Variants in TOGARAM2 observed in about 807,000 individuals in gnomAD.
The protein encoded by TOGARAM2 is TOG array regulator of axonemal microtubules 2, also known as TOG array regulator of axonemal microtubules protein 2.
In TOGARAM2, 85 loss-of-function variants were observed where a neutral mutation model predicts 93.3. The ratio of observed to expected loss-of-function variants is 0.91; its 90% CI spans 0.76 to 1.09. The LOEUF (loss-of-function observed/expected upper bound fraction) is 1.09. Among genes scored for constraint, TOGARAM2 ranks in the 50% least tolerant of loss-of-function variants. TOGARAM2 has a pLI of 0.00. For missense variants in TOGARAM2, 1,277 were observed against 1,334.5 expected (o/e 0.96, Z 0.67); for synonymous variants, 593 against 552.8 (o/e 1.07, Z -1.02).
upstream of TOGARAM2, among the ~76,000 whole-genome samples, chr2:28,976,933 G>A (rs1572620603): frequency 6.6e-6 from 1 of 152,220 alleles, no homozygotes; most frequent in Non-Finnish European, 1.5e-5. Context: ...GAGGGGGTGG[G>A]GCAGTGGTAT....
intron 2 of TOGARAM2, 126 bp downstream of exon 2, chr2:28,994,988 T>C: frequency 8.3e-7 from 1 of 1,201,950 alleles, no homozygotes; most frequent in Non-Finnish European, 1.2e-6. Context: ...AACAGCCAGG[T>C]GGCCGTGCCT....
chr2:29,041,563 C>T (rs1322453993), intron 18 of TOGARAM2, among the ~76,000 whole-genome samples: 1 of 152,194 alleles, frequency 6.6e-6, no homozygotes, highest in Non-Finnish European at 1.5e-5. Context: ...TCTTATCTGG[C>T]TTCCCAGTAG....
intron 7 of TOGARAM2, among the ~76,000 whole-genome samples, chr2:29,012,328 C>T (rs1346579488): frequency 2.0e-5 from 3 of 152,246 alleles, no homozygotes; most frequent in East Asian, 1.9e-4. Context: ...GGGCAGTTGG[C>T]GAAGGGGGGT....
At chr2:29,049,896 TCAC>T (rs1260860045) in intron 19 of TOGARAM2, 1 of 152,266 alleles carries the variant, frequency 6.6e-6, no homozygotes, top group East Asian at 1.9e-4. Flanking sequence ...TTGATAAATG[TCAC>T]CAAGAGAGTG....
chr2:28,960,843 T>C (rs1037186942), intron 1 of TOGARAM2, among the ~76,000 whole-genome samples: 2 of 152,210 alleles, frequency 1.3e-5, no homozygotes, highest in African/African-American at 4.8e-5. Context: ...AATTGTTAAT[T>C]TTATGTCATT....
intron 6 of TOGARAM2, among the ~76,000 whole-genome samples, chr2:29,010,210 T>C (rs1572698495): frequency 6.6e-6 from 1 of 152,098 alleles, no homozygotes; most frequent in African/African-American, 2.4e-5. Flanking sequence ...TGGACTTTGA[T>C]GCTCCACTTC....
intron 14 of TOGARAM2, among the ~76,000 whole-genome samples, chr2:29,030,173 G>T (rs1214043424): frequency 6.6e-6 from 1 of 152,200 alleles, no homozygotes; most frequent in Admixed American, 6.5e-5. Flanking sequence ...CTACTTGAGA[G>T]GCTGAGATAA....
intron 1 of TOGARAM2, among the ~76,000 whole-genome samples, chr2:28,989,449 G>A (rs968698411): frequency 6.6e-6 from 1 of 151,530 alleles, no homozygotes. Flanking sequence ...CCAGACTGGA[G>A]TGCGGTGGCA....
chr2:28,994,845 G>C lies in TOGARAM2; in HGVS notation c.11G>C (p.Arg4Pro), dbSNP rs768249766. Reference protein sequence around the residue: MGTRDDVPEAKVLV... With the variant: MGTPDDVPEAKVLV... Reference sequence around the variant, plus strand: ...TTCTCCACCCAGGACATGGGCACCCGTGACGATGTCCCCGAAGGTAAGGGG... The same window carrying C: ...TTCTCCACCCAGGACATGGGCACCCCTGACGATGTCCCCGAAGGTAAGGGG... Residue 4 changes from arginine (R) to proline (P), a missense_variant, in exon 2 of 20, where the codon CGT becomes CCT. Transcript: ENST00000379558. 6.4e-7 allele frequency: 1 copy of C among 1,552,596 alleles called. No homozygotes were observed. Among genetic ancestry groups the C allele is most frequent in the Non-Finnish European group, 8.7e-7 (1 of 1,147,446 alleles).
At chr2:29,033,413 G>T (rs1283153350) in intron 15 of TOGARAM2, 56 bp from the exon 16 acceptor site, 2 of 1,471,866 alleles carry the variant, frequency 1.4e-6, no homozygotes, top group Non-Finnish European at 1.9e-6. Flanking sequence ...GGAATGTCTG[G>T]CATTTCCCTG....
chr2:29,042,627 C>T (rs1572786386), intron 18 of TOGARAM2, among the ~76,000 whole-genome samples: 1 of 152,348 alleles, frequency 6.6e-6, no homozygotes, highest in South Asian at 2.1e-4. Flanking sequence ...TCTGCCCTGT[C>T]TCAGCTGCTT....
intron 1 of TOGARAM2, among the ~76,000 whole-genome samples, chr2:28,959,278 A>C: frequency 6.6e-6 from 1 of 152,312 alleles, no homozygotes. Flanking sequence ...ATAGTGAAGT[A>C]ATAGCCAAAA....
chr2:28,968,448 G>A (rs142298643), intron 1 of TOGARAM2, among the ~76,000 whole-genome samples: 1,899 of 151,928 alleles, frequency 0.012, 45 homozygotes, highest in African/African-American at 0.042. Flanking sequence ...TCCCCGCAGC[G>A]GAGGTTGTCC....
intron 1 of TOGARAM2, among the ~76,000 whole-genome samples, chr2:28,982,822 C>T (rs1672265980): frequency 6.6e-6 from 1 of 152,120 alleles, no homozygotes; most frequent in Non-Finnish European, 1.5e-5. Context: ...ATGTAGCCAC[C>T]TCCCAGGCCA....
chr2:29,001,182 C>T (rs60665731), intron 4 of TOGARAM2, among the ~76,000 whole-genome samples: 4,084 of 152,190 alleles, frequency 0.027, 178 homozygotes, highest in African/African-American at 0.094. Flanking sequence ...GTGGCACAGT[C>T]TCCACTTGAC....
rs1386952789 is a variant in TOGARAM2, at chr2:28,968,827, A to AAC, written c.-147+12131_-147+12132insCA. On this transcript the variant is annotated intron_variant, in intron 1 of 6. Transcript: ENST00000401723. ...AGTGAGACTCTGTCAAAAAAAAAAA[A>AAC]AAAAAAAAAAAAACAAGGAAAAAGA... Among the ~76,000 whole-genome samples, 331 of 124,042 alleles carry AAC rather than the reference A, an allele frequency of 2.7e-3. 3 individuals are homozygous for AAC. The highest frequency in any genetic ancestry group is 8.1e-3 in the African/African-American group (285 of 34,998). 81.4% of individuals were successfully genotyped at this position (124,042 alleles called of 152,430 possible). A position where few individuals can be genotyped will look rare whatever the true frequency, so the allele number is the denominator to read the frequency against.
At chr2:28,973,102 C>T (rs1671972044) in intron 1 of TOGARAM2, among the ~76,000 whole-genome samples, 1 of 152,302 alleles carries the variant, frequency 6.6e-6, no homozygotes, top group East Asian at 1.9e-4. Context: ...ACCTTCACAT[C>T]CTCTTTCCTC....
intron 1 of TOGARAM2, among the ~76,000 whole-genome samples, chr2:28,990,978 TG>T (rs1672696188): frequency 6.9e-6 from 1 of 145,736 alleles, no homozygotes; most frequent in Non-Finnish European, 1.5e-5. Context: ...TGCGAGTGTG[TG>T]TGTGTGTGAA....
chr2:29,004,109 A>C (rs1673478740), intron 6 of TOGARAM2, among the ~76,000 whole-genome samples: 1 of 152,082 alleles, frequency 6.6e-6, no homozygotes, highest in South Asian at 2.1e-4. Flanking sequence ...GATTCTCCTG[A>C]GTAGCTGGGA....
Sources: allele counts gnomAD v4.1 joint callset (sites outside exome capture counted in the v4.1 genomes callset), GRCh38; gene constraint gnomAD v4.1.1; transcripts MANE v1.5; gene names NCBI Gene and HGNC (gene_info 2026-07-23, HGNC 2026-07-21).